The following SLIT2 variants were observed in gnomAD, a reference collection of about 807,000 sequenced individuals.
SLIT2 encodes slit guidance ligand 2.
SLIT2 carries 41 observed loss-of-function variants against 185.7 expected under a neutral mutation model. The observed-to-expected ratio is 0.22, with a 90% confidence interval of 0.17 to 0.29. The LOEUF (loss-of-function observed/expected upper bound fraction) is 0.29. Ranked by LOEUF, SLIT2 falls within the 10% of genes least tolerant of loss-of-function variation. The pLI is 1.00. For missense variants in SLIT2, 1,571 were observed against 1,909.0 expected, an observed-to-expected ratio of 0.82 and a Z score of 3.30; for synonymous variants, 693 against 680.2, an observed-to-expected ratio of 1.02 and a Z score of -0.29.
chr4:20,509,468 G>T (rs1208694523), intron 9 of SLIT2, among the ~76,000 whole-genome samples: 1 of 152,060 alleles, frequency 6.6e-6, no homozygotes, highest in Non-Finnish European at 1.5e-5. Flanking sequence ...ACAGAGAAGG[G>T]AAGAAATATC....
At chr4:20,367,668 C>T (rs1723220258) in intron 4 of SLIT2, among the ~76,000 whole-genome samples, 1 of 152,140 alleles carries the variant, frequency 6.6e-6, no homozygotes, top group African/African-American at 2.4e-5. Flanking sequence ...TCCTGGCTTT[C>T]TTCCATCTGC....
Position 20,604,983 on chromosome 4 carries a change from G to A in SLIT2, c.3693-5030G>A, listed in dbSNP as rs558531454. Among the ~76,000 whole-genome samples the A allele has an allele frequency of 1.3e-4, 20 of 152,030 alleles. No individual in the cohort carries two copies. In the East Asian group the frequency reaches 3.5e-3, roughly 27 times the overall value. The stretch of plus-strand genomic sequence containing the variant: ...CCAGAGTAGCTGGGATTACAGGCAT[G>A]CACTACCATGCCCAGCTAATTTTTG... On this transcript the variant is annotated intron_variant, in intron 33 of 36. Transcript: ENST00000504154.
At chr4:20,340,190 G>A (rs552214477) in intron 4 of SLIT2, among the ~76,000 whole-genome samples, 20 of 152,318 alleles carry the variant, frequency 1.3e-4, no homozygotes, top group South Asian at 4.1e-4. Flanking sequence ...ATAAGGACAT[G>A]TTGGAGAATG....
intron 4 of SLIT2, among the ~76,000 whole-genome samples, chr4:20,374,581 C>T (rs1723862775): frequency 6.6e-6 from 1 of 151,994 alleles, no homozygotes; most frequent in Non-Finnish European, 1.5e-5. Context: ...TCATAGCCTA[C>T]TCCTTCAACT....
chr4:20,595,965 G>A (rs1021051370), intron 31 of SLIT2, 131 bp downstream of exon 31: 4 of 763,056 alleles, frequency 5.2e-6, no homozygotes, highest in Admixed American at 5.9e-5. Flanking sequence ...TGTAACACAA[G>A]GATAAATACT....
intron 4 of SLIT2, among the ~76,000 whole-genome samples, chr4:20,408,521 C>T (rs1456610049): frequency 3.1e-5 from 4 of 127,702 alleles, no homozygotes; most frequent in African/African-American, 6.6e-5. Flanking sequence ...CCCTGCAGGA[C>T]GAAATTTCAG....
intron 5 of SLIT2, 90 bp from the exon 6 acceptor site, chr4:20,480,626 G>A: frequency 1.1e-6 from 1 of 884,544 alleles, no homozygotes; most frequent in South Asian, 1.4e-5. Flanking sequence ...AGTGTGTCCA[G>A]GGTATCATAG....
chr4:20,448,310 A>AT (rs1369280973), intron 4 of SLIT2, among the ~76,000 whole-genome samples: 1,700 of 151,028 alleles, frequency 0.011, 26 homozygotes, highest in African/African-American at 0.038. Flanking sequence ...TTATGAGTTT[A>AT]TTTTTTTTTG....
chr4:20,439,200 A>G (rs1729566005), intron 4 of SLIT2, among the ~76,000 whole-genome samples: 1 of 152,232 alleles, frequency 6.6e-6, no homozygotes, highest in Non-Finnish European at 1.5e-5. Flanking sequence ...ATTATATCTT[A>G]CATGTAAGAC....
chr4:20,331,310 T>C (rs959805469), intron 4 of SLIT2, among the ~76,000 whole-genome samples: 2 of 152,140 alleles, frequency 1.3e-5, no homozygotes, highest in African/African-American at 4.8e-5. Flanking sequence ...CCAATACATT[T>C]TCCAATTATT....
At chr4:20,502,123 T>C (rs1374724980) in intron 9 of SLIT2, among the ~76,000 whole-genome samples, 1 of 152,166 alleles carries the variant, frequency 6.6e-6, no homozygotes, top group Non-Finnish European at 1.5e-5. Flanking sequence ...GAAAACTATA[T>C]AATGCCTTTC....
At chr4:20,366,683 G>A (rs542359441) in intron 4 of SLIT2, among the ~76,000 whole-genome samples, 1 of 152,266 alleles carries the variant, frequency 6.6e-6, no homozygotes, top group South Asian at 2.1e-4. Flanking sequence ...ATGGATAAAT[G>A]GGAGAGGGGA....
At chr4:20,290,698 G>T (rs1440761664) in intron 4 of SLIT2, among the ~76,000 whole-genome samples, 1 of 151,002 alleles carries the variant, frequency 6.6e-6, no homozygotes, top group African/African-American at 2.4e-5. Context: ...GTGGTTGCTT[G>T]GTAAATATGC....
intron 8 of SLIT2, among the ~76,000 whole-genome samples, chr4:20,490,464 TA>T (rs1237419228): frequency 6.6e-6 from 1 of 152,132 alleles, no homozygotes; most frequent in Non-Finnish European, 1.5e-5. Context: ...TGTATATATA[TA>T]TATGTATGGT....
At chr4:20,404,626 T>G (rs905121390) in intron 4 of SLIT2, among the ~76,000 whole-genome samples, 1 of 151,956 alleles carries the variant, frequency 6.6e-6, no homozygotes, top group African/African-American at 2.4e-5. Context: ...CACCAACGAA[T>G]GAATGCATGA....
chr4:20,337,608 A>T (rs959788862), intron 4 of SLIT2, among the ~76,000 whole-genome samples: 1 of 152,164 alleles, frequency 6.6e-6, no homozygotes. Context: ...TAGAGTCAGG[A>T]CTGAAACTTA....
At chr4:20,434,057 A>G (rs1729171581) in intron 4 of SLIT2, among the ~76,000 whole-genome samples, 1 of 152,162 alleles carries the variant, frequency 6.6e-6, no homozygotes, top group South Asian at 2.1e-4. Flanking sequence ...CCATTTGGAG[A>G]AATACTAATA....
At chr4:20,580,290 G>A (rs1577964165) in intron 29 of SLIT2, among the ~76,000 whole-genome samples, 3 of 151,234 alleles carry the variant, frequency 2.0e-5, no homozygotes, top group Middle Eastern at 3.4e-3. Context: ...CACGCACCTC[G>A]GCCTCCTGTA....
chr4:20,372,957 T>C (rs1723720406), intron 4 of SLIT2, among the ~76,000 whole-genome samples: 1 of 152,126 alleles, frequency 6.6e-6, no homozygotes, highest in Admixed American at 6.6e-5. Flanking sequence ...CATCATGTTG[T>C]GAGCATGTTT....
Sources: allele counts gnomAD v4.1 joint callset (sites outside exome capture counted in the v4.1 genomes callset), GRCh38; gene constraint gnomAD v4.1.1; transcripts MANE v1.5; gene names NCBI Gene and HGNC (gene_info 2026-07-23, HGNC 2026-07-21).